CYSTM1: variants seen among roughly 807,000 people sequenced by gnomAD.
CYSTM1 encodes the protein cysteine rich transmembrane module containing 1, also known as cysteine-rich transmembrane module-containing protein 1.
CYSTM1 carries 4 observed loss-of-function variants against 13.1 expected under a neutral mutation model. The ratio of observed to expected loss-of-function variants is 0.31; its 90% confidence interval spans 0.15 to 0.70. The LOEUF is 0.70. Ranked by LOEUF, CYSTM1 falls within the 30% of genes least tolerant of loss-of-function variation. The pLI, the probability that CYSTM1 is intolerant of heterozygous loss-of-function variation, is 0.72. For synonymous variants in CYSTM1, 36 were observed against 42.7 expected (o/e 0.84, Z 0.62); for missense variants, 96 against 121.6 (o/e 0.79, Z 0.99).
intron 2 of CYSTM1, among the ~76,000 whole-genome samples, chr5:140,205,100 G>T (rs1194580639): frequency 6.6e-6 from 1 of 152,186 alleles, no homozygotes; most frequent in Non-Finnish European, 1.5e-5. Flanking sequence ...AAGCCTGTAT[G>T]TTGGGAACTA....
chr5:140,214,902 C>T (rs746583628), intron 2 of CYSTM1, among the ~76,000 whole-genome samples: 24 of 152,194 alleles, frequency 1.6e-4, no homozygotes, highest in Non-Finnish European at 3.4e-4. Context: ...CGAGGTGACA[C>T]GGATCTTCCC....
chr5:140,243,470 C>A lies in CYSTM1; in HGVS notation c.*59C>A. ...CTGCTGCCACCTCTGACAGGTGTGCCTGCCCCCATCTCTTCTGATTGCTGT... is the reference window on the plus strand; with the variant it reads ...CTGCTGCCACCTCTGACAGGTGTGCATGCCCCCATCTCTTCTGATTGCTGT... On this transcript the variant is annotated 3_prime_UTR_variant, in exon 3 of 3. Transcript: ENST00000261811. 1 of 1,425,302 alleles carries A rather than the reference C, an allele frequency of 7.0e-7. No homozygotes were observed. The highest frequency in any genetic ancestry group is 9.8e-7 in the Non-Finnish European group (1 of 1,021,622). The allele number at this position is 1,425,302 out of a possible 1,614,324, so 88.3% of individuals were successfully genotyped here. A position where few individuals can be genotyped will look rare whatever the true frequency, so the allele number is the denominator to read the frequency against.
intron 2 of CYSTM1, among the ~76,000 whole-genome samples, chr5:140,208,259 G>A (rs1422999348): frequency 6.6e-6 from 1 of 152,182 alleles, no homozygotes; most frequent in African/African-American, 2.4e-5. Context: ...GTACTATTCA[G>A]TCATAAAAAA....
chr5:140,191,408 A>G (rs1217350380), intron 1 of CYSTM1, among the ~76,000 whole-genome samples: 1 of 152,224 alleles, frequency 6.6e-6, no homozygotes, highest in Non-Finnish European at 1.5e-5. Context: ...TTGGAGAAAG[A>G]TACATACCAA....
chr5:140,205,713 G>C (rs900521693), intron 2 of CYSTM1, among the ~76,000 whole-genome samples: 1 of 152,176 alleles, frequency 6.6e-6, no homozygotes, highest in East Asian at 1.9e-4. Flanking sequence ...CAGTGAGGAA[G>C]TTAGTACCCT....
chr5:140,235,596 G>A (rs1169465122), intron 2 of CYSTM1, among the ~76,000 whole-genome samples: 3 of 151,924 alleles, frequency 2.0e-5, no homozygotes, highest in Admixed American at 2.0e-4. Context: ...CAGTAGAGAC[G>A]AGGCTTCACG....
At chr5:140,209,481 G>T (rs1413733722) in intron 2 of CYSTM1, among the ~76,000 whole-genome samples, 1 of 151,706 alleles carries the variant, frequency 6.6e-6, no homozygotes, top group East Asian at 1.9e-4. Context: ...CCAGGCTAGG[G>T]TGCAGTGGCG....
At chr5:140,216,886 T>TAA (rs1166451205) in intron 2 of CYSTM1, among the ~76,000 whole-genome samples, 55 of 141,162 alleles carry the variant, frequency 3.9e-4, no homozygotes, top group African/African-American at 1.4e-3. Flanking sequence ...TCTCCCTCTA[T>TAA]GACACACACA....
intron 2 of CYSTM1, among the ~76,000 whole-genome samples, chr5:140,207,835 C>T (rs2126662515): frequency 6.6e-6 from 1 of 152,324 alleles, no homozygotes; most frequent in Admixed American, 6.5e-5. Context: ...TGGTACTCCT[C>T]ACCTCCCAGT....
intron 2 of CYSTM1, among the ~76,000 whole-genome samples, chr5:140,234,970 T>A (rs1328917649): frequency 3.6e-3 from 1 of 276 alleles, no homozygotes; most frequent in African/African-American, 7.5e-3. Flanking sequence ...TCATTCATAA[T>A]TTTTTTTTTT....
At chr5:140,235,000 A>C (rs1581073925) in intron 2 of CYSTM1, among the ~76,000 whole-genome samples, 2 of 141,386 alleles carry the variant, frequency 1.4e-5, no homozygotes, top group African/African-American at 2.7e-5. Context: ...ATGGAGTCTC[A>C]CCCTTGCCCA....
intron 2 of CYSTM1, chr5:140,200,456 CTCTGT>C (rs1367409998): frequency 2.0e-5 from 3 of 151,698 alleles, no homozygotes; most frequent in African/African-American, 7.3e-5. Context: ...TTTCTGAGGC[CTCTGT>C]TCTGTTCCAT....
At chr5:140,212,700 C>T (rs368736027) in intron 2 of CYSTM1, among the ~76,000 whole-genome samples, 2 of 152,066 alleles carry the variant, frequency 1.3e-5, no homozygotes, top group East Asian at 1.9e-4. Flanking sequence ...GGCACAATGG[C>T]TCACACCTGT....
At chr5:140,213,259 T>A (rs35543394) in intron 2 of CYSTM1, among the ~76,000 whole-genome samples, 36,405 of 151,000 alleles carry the variant, frequency 0.24, 4,444 homozygotes, top group African/African-American at 0.28. Flanking sequence ...TTAACAAAAA[T>A]GTTTAAAAAG....
At chr5:140,208,024 C>G (rs964070869) in intron 2 of CYSTM1, among the ~76,000 whole-genome samples, 8 of 152,188 alleles carry the variant, frequency 5.3e-5, no homozygotes, top group African/African-American at 1.9e-4. Flanking sequence ...CTATAGGGAA[C>G]AGTTTGGAGG....
rs185003261 is a variant in CYSTM1, at chr5:140,235,695, G to A, written c.188-7610G>A. 7.3e-4 allele frequency among the ~76,000 whole-genome samples: 111 copies of A among 152,248 alleles called. No homozygotes were observed. In the Middle Eastern group the frequency reaches 0.02, roughly 28 times the overall value. On this transcript the variant is annotated intron_variant, in intron 2 of 2. Coordinates refer to ENST00000261811, the MANE Select transcript of CYSTM1 (RefSeq NM_032412.4). ...GCTGGGATTACAGGCGTGAGCCACC[G>A]CACCCAGCCCAGAAAAACATTTTGT...
intron 2 of CYSTM1, chr5:140,229,023 T>C: frequency 2.6e-6 from 1 of 385,742 alleles, no homozygotes; most frequent in Admixed American, 4.5e-5. Context: ...CTAGTGACCT[T>C]GAACATAAAC....
intron 1 of CYSTM1, among the ~76,000 whole-genome samples, chr5:140,192,882 C>T (rs1764109457): frequency 6.6e-6 from 1 of 152,038 alleles, no homozygotes. Flanking sequence ...ACATGAACTA[C>T]AGGAAGAATG....
intron 1 of CYSTM1, among the ~76,000 whole-genome samples, chr5:140,193,418 G>C (rs1343920716): frequency 6.6e-6 from 1 of 152,186 alleles, no homozygotes; most frequent in African/African-American, 2.4e-5. Flanking sequence ...TGAGTAGCGG[G>C]ACTACAAGCA....
Sources: gnomAD v4.1 joint callset for allele counts (sites outside exome capture counted in the v4.1 genomes callset) on GRCh38, gnomAD v4.1.1 for gene constraint, MANE v1.5 for transcripts, NCBI Gene and HGNC (gene_info 2026-07-23, HGNC 2026-07-21) for gene names.